Variants in RGS6 observed in about 807,000 individuals in gnomAD.
The protein encoded by RGS6 is regulator of G protein signaling 6.
RGS6 carries 30 observed loss-of-function variants against 78.5 expected under a neutral mutation model. That is an observed-to-expected ratio of 0.38 (90% CI 0.29 to 0.52). The LOEUF (loss-of-function observed/expected upper bound fraction) is 0.52. Ranked by LOEUF, RGS6 falls within the 20% of genes least tolerant of loss-of-function variation. The pLI is 0.85. For missense variants in RGS6, 495 were observed against 609.7 expected (o/e 0.81, Z 1.98); for synonymous variants, 206 against 206.0 (o/e 1.00, Z 0.00).
At chr14:72,222,461 T>C (rs1360305486) in intron 2 of RGS6, among the ~76,000 whole-genome samples, 1 of 152,238 alleles carries the variant, frequency 6.6e-6, no homozygotes, top group Admixed American at 6.5e-5. Context: ...AAAGATACCA[T>C]GCAGGGTGGG....
intron 1 of RGS6, among the ~76,000 whole-genome samples, chr14:71,934,746 T>A (rs1232944684): frequency 1.3e-5 from 2 of 152,240 alleles, no homozygotes; most frequent in Non-Finnish European, 2.9e-5. Flanking sequence ...TAATTTTGGA[T>A]GTCTCTTTGT....
chr14:72,289,609 T>A (rs1197395926), intron 2 of RGS6, among the ~76,000 whole-genome samples: 1 of 152,192 alleles, frequency 6.6e-6, no homozygotes, highest in Non-Finnish European at 1.5e-5. Context: ...TAGTTACTAC[T>A]ACCTTTTTCA....
chr14:72,037,792 G>A (rs1444881668), intron 2 of RGS6, among the ~76,000 whole-genome samples: 1 of 151,774 alleles, frequency 6.6e-6, no homozygotes, highest in Non-Finnish European at 1.5e-5. Flanking sequence ...GTGGGCATAT[G>A]CATTTGTCAA....
At chr14:72,444,181 T>C (rs962530536) in intron 3 of RGS6, among the ~76,000 whole-genome samples, 1 of 152,162 alleles carries the variant, frequency 6.6e-6, no homozygotes, top group African/African-American at 2.4e-5. Flanking sequence ...GAATCAATTG[T>C]GGGGGCTCAG....
At chr14:72,346,542 G>A (rs537955500) in intron 2 of RGS6, among the ~76,000 whole-genome samples, 97 of 152,326 alleles carry the variant, frequency 6.4e-4, no homozygotes, top group African/African-American at 2.3e-3. Context: ...CACCTGGTAA[G>A]ACAGACAACA....
chr14:72,553,592 G>C (rs2097534654), intron 17 of RGS6, among the ~76,000 whole-genome samples: 1 of 152,100 alleles, frequency 6.6e-6, no homozygotes, highest in Non-Finnish European at 1.5e-5. Context: ...AGGAGCTGAG[G>C]GGTCCAGAAA....
At chr14:71,984,317 A>AAAAAAC (rs1566960731) in intron 2 of RGS6, among the ~76,000 whole-genome samples, 1 of 111,478 alleles carries the variant, frequency 9.0e-6, no homozygotes, top group Non-Finnish European at 2.0e-5. Flanking sequence ...AAAAAAAAAA[A>AAAAAAC]AAAAACAAAG....
chr14:71,886,054 C>T, the RGS6 span, among the ~76,000 whole-genome samples: 15 of 151,504 alleles, frequency 9.9e-5, no homozygotes, highest in African/African-American at 2.9e-4. Flanking sequence ...TTCAGAAATG[C>T]GTGTAATCCC....
intron 2 of RGS6, among the ~76,000 whole-genome samples, chr14:72,214,027 C>T (rs996074689): frequency 3.9e-5 from 6 of 152,070 alleles, no homozygotes; most frequent in African/African-American, 1.4e-4. Flanking sequence ...ATTGGCTGAC[C>T]TGGCACTAAT....
At chr14:72,384,109 AGG>A (rs2087100937) in intron 3 of RGS6, among the ~76,000 whole-genome samples, 1 of 152,240 alleles carries the variant, frequency 6.6e-6, no homozygotes, top group Non-Finnish European at 1.5e-5. Context: ...AGTGCCTAAC[AGG>A]GTGGAACTGG....
At chr14:72,153,997 C>T (rs1256691679) in intron 2 of RGS6, among the ~76,000 whole-genome samples, 1 of 152,144 alleles carries the variant, frequency 6.6e-6, no homozygotes, top group African/African-American at 2.4e-5. Flanking sequence ...TATCTCAGTC[C>T]TTATCTCAAC....
chr14:72,407,838 C>T (rs1447717773), intron 3 of RGS6, among the ~76,000 whole-genome samples: 1 of 152,178 alleles, frequency 6.6e-6, no homozygotes, highest in African/African-American at 2.4e-5. Context: ...GCTTTCTTGA[C>T]TTGTGTTTTA....
At chr14:72,017,604 T>G (rs538024690) in intron 2 of RGS6, among the ~76,000 whole-genome samples, 2 of 152,332 alleles carry the variant, frequency 1.3e-5, no homozygotes, top group African/African-American at 2.4e-5. Flanking sequence ...CTTCAGGCTC[T>G]TTACAGAAAG....
At chr14:72,113,395 A>G (rs1237539282) in intron 2 of RGS6, among the ~76,000 whole-genome samples, 1 of 152,206 alleles carries the variant, frequency 6.6e-6, no homozygotes, top group Non-Finnish European at 1.5e-5. Flanking sequence ...CTAAAGTAAT[A>G]GCTTTCAAAC....
intron 2 of RGS6, among the ~76,000 whole-genome samples, chr14:72,301,473 A>G (rs573455427): frequency 6.6e-6 from 1 of 152,208 alleles, no homozygotes; most frequent in African/African-American, 2.4e-5. Flanking sequence ...AATGTGGAGA[A>G]GCTAAAACTG....
chr14:72,388,251 TATATATATACACATATACAC>T (rs2088875451), intron 3 of RGS6, among the ~76,000 whole-genome samples: 3 of 139,838 alleles, frequency 2.1e-5, no homozygotes, highest in South Asian at 2.3e-4. Flanking sequence ...CACATACACA[TATATATATACACATATACAC>T]ATATATATAC....
At chr14:72,149,626 CAA>C (rs1419024588) in intron 2 of RGS6, among the ~76,000 whole-genome samples, 2 of 152,032 alleles carry the variant, frequency 1.3e-5, no homozygotes, top group Non-Finnish European at 2.9e-5. Flanking sequence ...AATCTGGAAA[CAA>C]ATTGTCAGAG....
chr14:72,110,649 C>G (rs1255567741), intron 2 of RGS6, among the ~76,000 whole-genome samples: 1 of 152,156 alleles, frequency 6.6e-6, no homozygotes, highest in African/African-American at 2.4e-5. Flanking sequence ...CATTCTTATG[C>G]CACTTTGTGT....
intron 2 of RGS6, among the ~76,000 whole-genome samples, chr14:72,337,256 C>A (rs969735069): frequency 6.6e-6 from 1 of 151,358 alleles, no homozygotes; most frequent in African/African-American, 2.4e-5. Flanking sequence ...CCTCTAACCC[C>A]CACCACCTAA....
Sources: gnomAD v4.1 joint callset for allele counts (sites outside exome capture counted in the v4.1 genomes callset) on GRCh38, gnomAD v4.1.1 for gene constraint, MANE v1.5 for transcripts, NCBI Gene and HGNC (gene_info 2026-07-23, HGNC 2026-07-21) for gene names.